Variants in PRICKLE2 observed in about 807,000 individuals in gnomAD.
PRICKLE2 encodes the protein prickle-like protein 2.
In PRICKLE2, 21 loss-of-function variants were observed where a neutral mutation model predicts 81.4. That is an observed-to-expected ratio of 0.26 (90% CI 0.18 to 0.37). PRICKLE2 has a LOEUF of 0.37. PRICKLE2 is among the 10% of genes least tolerant of loss of function. The pLI is 1.00. For synonymous variants in PRICKLE2, 456 were observed against 421.5 expected (o/e 1.08, Z -1.00); for missense variants, 940 against 1,109.0 (o/e 0.85, Z 2.16).
intron 7 of PRICKLE2, among the ~76,000 whole-genome samples, chr3:64,136,763 G>C (rs1024710543): frequency 6.6e-6 from 1 of 152,030 alleles, no homozygotes; most frequent in African/African-American, 2.4e-5. Flanking sequence ...GGAAGGTCAA[G>C]GTAGGAAGGT....
At chr3:64,249,689 T>C (rs2079415966) in intron 2 of PRICKLE2, among the ~76,000 whole-genome samples, 1 of 152,196 alleles carries the variant, frequency 6.6e-6, no homozygotes, top group Non-Finnish European at 1.5e-5. Flanking sequence ...TTCCAGAATG[T>C]TATGTCATCC....
chr3:64,160,430 C>T (rs2107040460), intron 3 of PRICKLE2, among the ~76,000 whole-genome samples: 1 of 152,310 alleles, frequency 6.6e-6, no homozygotes. Flanking sequence ...GAGAAGTTCT[C>T]CTTCTTCCAA....
At position 64,142,316 on chromosome 3, in the gene PRICKLE2, T is replaced by TC. The variant is rs201636152; in HGVS notation, c.1660+4513_1660+4514insG. On this transcript the variant is annotated intron_variant, in intron 7 of 7. Coordinates refer to ENST00000638394, the MANE Select transcript of PRICKLE2 (RefSeq NM_198859.4). ...GGAGTATTTTCTTTCTTTCTTTCTTTTTTTTTTTTTTTTTAGACAGAGTTT... is the reference window on the plus strand; with the variant it reads ...GGAGTATTTTCTTTCTTTCTTTCTTTCTTTTTTTTTTTTTTAGACAGAGTTT... Among the ~76,000 whole-genome samples, 25 of 148,306 alleles carry TC rather than the reference T, an allele frequency of 1.7e-4. 1 individual carries two copies. In the South Asian group the frequency reaches 1.7e-3, roughly 10 times the overall value.
At chr3:64,255,894 T>G (rs2079517911) in intron 2 of PRICKLE2, among the ~76,000 whole-genome samples, 1 of 152,126 alleles carries the variant, frequency 6.6e-6, no homozygotes, top group African/African-American at 2.4e-5. Flanking sequence ...CCTTTTTTCT[T>G]CTTGTTGCCT....
intron 1 of PRICKLE2, among the ~76,000 whole-genome samples, chr3:64,212,182 G>A (rs1321129863): frequency 6.6e-6 from 1 of 152,166 alleles, no homozygotes; most frequent in East Asian, 1.9e-4. Flanking sequence ...GGGGTATCTA[G>A]AAAAGCTCCG....
At chr3:64,234,411 T>C (rs747378292) in intron 2 of PRICKLE2, among the ~76,000 whole-genome samples, 8 of 152,224 alleles carry the variant, frequency 5.3e-5, no homozygotes, top group African/African-American at 7.2e-5. Flanking sequence ...TAATGGCTAA[T>C]AATGTTAAAC....
intron 7 of PRICKLE2, among the ~76,000 whole-genome samples, chr3:64,110,220 G>A (rs1205661181): frequency 6.6e-6 from 1 of 152,208 alleles, no homozygotes; most frequent in Admixed American, 6.5e-5. Flanking sequence ...CTGACCCCAT[G>A]CTGCTTTCTA....
intron 2 of PRICKLE2, among the ~76,000 whole-genome samples, chr3:64,236,561 G>T (rs750748228): frequency 6.6e-6 from 1 of 152,180 alleles, no homozygotes; most frequent in Non-Finnish European, 1.5e-5. Flanking sequence ...CATTGAACTG[G>T]ATCCTAGCTC....
At chr3:64,228,483 T>C (rs575839301), upstream of PRICKLE2, among the ~76,000 whole-genome samples, 1 of 152,236 alleles carries the variant, frequency 6.6e-6, no homozygotes, top group Admixed American at 6.5e-5. Flanking sequence ...AATCCACAGA[T>C]TGTTAATTCC....
At chr3:64,156,560 G>T (rs752544704) in intron 5 of PRICKLE2, among the ~76,000 whole-genome samples, 12 of 152,218 alleles carry the variant, frequency 7.9e-5, no homozygotes, top group Non-Finnish European at 1.8e-4. Context: ...TTCTAGTAGG[G>T]GAAGAAGGCC....
Position 64,099,727 on chromosome 3 carries a change from T to C in PRICKLE2, c.1859A>G (p.Asn620Ser). The change falls in exon 8 of 8, where the codon AAC becomes AGC. Residue 620 changes from asparagine to serine, a missense_variant. Physicochemically the swap from Asn to Ser is conservative, Grantham distance 46 (BLOSUM62 1). Transcript: ENST00000638394. The surrounding 1 kb of genome is among the most constrained non-coding windows in gnomAD (Gnocchi z 4.3). Reference protein sequence around the residue: ...SAQQYQEMEGNLHQLSNPIGY... With the variant: ...SAQQYQEMEGSLHQLSNPIGY... ...AATGGGGTTGCTGAGCTGGTGGAGG[T>C]TTCCCTCCATCTCCTGGTACTGCTG... 14 of 1,613,992 alleles carry C rather than the reference T, an allele frequency of 8.7e-6. No individual in the cohort carries two copies. The highest frequency in any genetic ancestry group is 1.1e-5 in the Non-Finnish European group (13 of 1,179,940).
intron 7 of PRICKLE2, among the ~76,000 whole-genome samples, chr3:64,125,388 A>G (rs1300367809): frequency 6.6e-6 from 1 of 152,242 alleles, no homozygotes; most frequent in African/African-American, 2.4e-5. Context: ...ATTTTGTAAT[A>G]AGTTCTACTG....
At chr3:64,165,965 T>G (rs1642561) in intron 2 of PRICKLE2, among the ~76,000 whole-genome samples, 52 of 3,786 alleles carry the variant, frequency 0.014, 2 homozygotes, top group Middle Eastern at 0.25. Context: ...GTTATAAAGG[T>G]GTGTGTGTGT....
At chr3:64,107,091 G>A (rs2076767810) in intron 7 of PRICKLE2, among the ~76,000 whole-genome samples, 1 of 152,128 alleles carries the variant, frequency 6.6e-6, no homozygotes, top group Non-Finnish European at 1.5e-5. Context: ...GTGTGACTGG[G>A]AGCTACGCAA....
Position 64,225,106 on chromosome 3 carries a change from G to A in PRICKLE2, c.-237C>T, listed in dbSNP as rs575898477. On this transcript the variant is annotated 5_prime_UTR_variant, in exon 1 of 8. Coordinates refer to ENST00000638394, the MANE Select transcript of PRICKLE2 (RefSeq NM_198859.4). ...CTGAAGCTGGCAACAGACTCAAGCC[G>A]AGCTGCTCCACATTCCCTCAGGGAA... is the stretch of plus-strand genomic sequence containing the variant. The A allele has an allele frequency of 2.3e-5, 23 of 985,356 alleles. No individual in the cohort carries two copies. In the East Asian group the frequency reaches 6.8e-4, roughly 29 times the overall value. 61.0% of individuals were successfully genotyped at this position (985,356 alleles called of 1,614,324 possible).
chr3:64,113,481 T>A (rs2076883577), intron 7 of PRICKLE2, among the ~76,000 whole-genome samples: 1 of 152,094 alleles, frequency 6.6e-6, no homozygotes, highest in Non-Finnish European at 1.5e-5. Context: ...GCCTGACTGG[T>A]GGAGAAGTCC....
chr3:64,226,711 G>C (rs2079036776), upstream of PRICKLE2, among the ~76,000 whole-genome samples: 1 of 152,236 alleles, frequency 6.6e-6, no homozygotes, highest in Non-Finnish European at 1.5e-5. Context: ...ACTGTTCCTA[G>C]CATCTGAGTA....
chr3:64,225,105 C>T lies in PRICKLE2; in HGVS notation c.-236G>A, dbSNP rs1173215596. On this transcript the variant is annotated 5_prime_UTR_variant, in exon 1 of 8. Transcript: ENST00000638394. ...CCTGAAGCTGGCAACAGACTCAAGCCGAGCTGCTCCACATTCCCTCAGGGA... is the reference window on the plus strand; with the variant it reads ...CCTGAAGCTGGCAACAGACTCAAGCTGAGCTGCTCCACATTCCCTCAGGGA... The T allele has an allele frequency of 1.0e-5, 10 of 985,316 alleles. No homozygotes were observed. Among genetic ancestry groups the T allele is most frequent in the East Asian group, 1.1e-4 (1 of 8,812 alleles). 61.0% of individuals were successfully genotyped at this position (985,316 alleles called of 1,614,324 possible).
At chr3:64,213,629 C>T (rs541010593) in intron 1 of PRICKLE2, among the ~76,000 whole-genome samples, 237 of 152,260 alleles carry the variant, frequency 1.6e-3, no homozygotes, top group South Asian at 0.013. Flanking sequence ...CCCAAGTTTA[C>T]TCATTTTCCC....
Sources: allele counts gnomAD v4.1 joint callset (sites outside exome capture counted in the v4.1 genomes callset), GRCh38; gene constraint gnomAD v4.1.1; non-coding constraint Gnocchi (gnomAD v3.1); transcripts MANE v1.5; gene names NCBI Gene and HGNC (gene_info 2026-07-23, HGNC 2026-07-21).